MYH14: variants seen among roughly 807,000 people sequenced by gnomAD.
The protein encoded by MYH14 is myosin heavy chain 14.
MYH14 carries 123 observed loss-of-function variants against 255.5 expected under a neutral mutation model. The observed-to-expected ratio is 0.48, with a 90% CI of 0.42 to 0.56. The LOEUF (loss-of-function observed/expected upper bound fraction) is 0.56, where lower values mean the gene tolerates loss of function less well. Among genes scored for constraint, MYH14 ranks in the 20% least tolerant of loss-of-function variants. The probability of loss-of-function intolerance (pLI) is 0.00; values close to 1 mark genes in which losing one functional copy is unlikely to be tolerated. For synonymous variants in MYH14, 1,095 were observed against 1,161.2 expected, an observed-to-expected ratio of 0.94 and a Z score of 1.16; for missense variants, 2,423 against 2,802.3, an observed-to-expected ratio of 0.86 and a Z score of 3.06.
intron 30 of MYH14, among the ~76,000 whole-genome samples, chr19:50,278,833 A>G (rs1430482617): frequency 7.2e-6 from 1 of 139,476 alleles, no homozygotes; most frequent in Non-Finnish European, 1.6e-5. Flanking sequence ...AAAAAAAAAC[A>G]CAAAATTAGC....
At chr19:50,225,296 TTTC>T (rs2033035781) in intron 6 of MYH14, among the ~76,000 whole-genome samples, 1 of 152,210 alleles carries the variant, frequency 6.6e-6, no homozygotes, top group Non-Finnish European at 1.5e-5. Context: ...CCTTAATTCA[TTTC>T]TTATTAATGG....
At chr19:50,257,173 G>C in intron 17 of MYH14, 126 bp from the exon 18 acceptor site, 1 of 698,818 alleles carries the variant, frequency 1.4e-6, no homozygotes, top group Non-Finnish European at 2.3e-6. Context: ...TACCTTACAG[G>C]CTGTGTGAGG....
At chr19:50,253,745 C>T (rs80138138) in intron 16 of MYH14, among the ~76,000 whole-genome samples, 3,813 of 152,190 alleles carry the variant, frequency 0.025, 69 homozygotes, top group Non-Finnish European at 0.04. Context: ...GCCTTTTCTG[C>T]CACTGCCCCT....
At chr19:50,286,296 T>C (rs1283217126) in intron 33 of MYH14, 186 bp from the exon 34 acceptor site, 4 of 602,910 alleles carry the variant, frequency 6.6e-6, no homozygotes, top group Non-Finnish European at 1.2e-5. Flanking sequence ...GTTTGATCCA[T>C]TCAAGAGTTA....
rs548575057 is a variant in MYH14, at chr19:50,229,540, T to C, written c.875-985T>C. Reference sequence around the variant, plus strand: ...ACCTGTAGTCCCAGCTACTTGAGGCTGAGGTGGGAGTATTGCTTGAGCTGG... The same window carrying C: ...ACCTGTAGTCCCAGCTACTTGAGGCCGAGGTGGGAGTATTGCTTGAGCTGG... On this transcript the variant is annotated intron_variant, in intron 8 of 42. Coordinates refer to ENST00000642316, the MANE Select transcript of MYH14 (RefSeq NM_001145809.2). Among the ~76,000 whole-genome samples, 31 of 152,198 alleles carry C rather than the reference T, an allele frequency of 2.0e-4. 1 individual carries two copies. In the South Asian group the frequency reaches 5.8e-3, roughly 28 times the overall value.
rs138749822 is a variant in MYH14 at position 50,248,726 on chromosome 19, C to T, written c.1330-261C>T. Among the ~76,000 whole-genome samples, 113 of 152,330 alleles carry T rather than the reference C, an allele frequency of 7.4e-4. 1 individual carries two copies. The South Asian group carries it at 0.021, about 28-fold the overall frequency. On this transcript the variant is annotated intron_variant, in intron 12 of 42. Coordinates refer to ENST00000642316, the MANE Select transcript of MYH14 (RefSeq NM_001145809.2). The stretch of plus-strand genomic sequence containing the variant: ...AGAGTCCACGCTCTTAACCGCTGTG[C>T]GGTAGAAACTGCTTTGAGGGGGTGA...
At chr19:50,287,789 T>C (rs930188102) in intron 34 of MYH14, among the ~76,000 whole-genome samples, 2 of 152,156 alleles carry the variant, frequency 1.3e-5, no homozygotes, top group African/African-American at 4.8e-5. Flanking sequence ...ACCACACATA[T>C]GTATGGATGC....
rs1334695753 is a variant in MYH14 at position 50,247,207 on chromosome 19, A to G, written c.1329+85A>G. On this transcript the variant is annotated intron_variant, in intron 12 of 42. Transcript: ENST00000642316. Reference sequence around the variant, plus strand: ...TTAAACAGTGTATGCTGTTTTTCCCACCACTCAACAGACTTTTGCTGAGTG... The same window carrying G: ...TTAAACAGTGTATGCTGTTTTTCCCGCCACTCAACAGACTTTTGCTGAGTG... 5.2e-5 allele frequency: 49 copies of G among 935,868 alleles called. 3 individuals are homozygous for G. The South Asian group carries it at 5.8e-4, about 11-fold the overall frequency. 58.0% of individuals were successfully genotyped at this position (935,868 alleles called of 1,614,324 possible). A position where few individuals can be genotyped will look rare whatever the true frequency, so the allele number is the denominator to read the frequency against.
intron 1 of MYH14, among the ~76,000 whole-genome samples, chr19:50,204,411 A>G (rs2031617235): frequency 6.6e-6 from 1 of 152,150 alleles, no homozygotes; most frequent in South Asian, 2.1e-4. Context: ...GCAGAAATTC[A>G]TGTCTTTAGG....
At position 50,276,702 on chromosome 19, in the gene MYH14, C is replaced by T; in HGVS notation, c.3681-55C>T. On this transcript the variant is annotated intron_variant, in intron 28 of 42. Transcript: ENST00000642316. The surrounding 1 kb of genome is among the most constrained non-coding windows in gnomAD (Gnocchi z 4.3). ...GGAGAAACAACCAGCTCCCCCAAAGCCCCTGCCTTCCTCTGCTCTGAAATT... is the reference window on the plus strand; with the variant it reads ...GGAGAAACAACCAGCTCCCCCAAAGTCCCTGCCTTCCTCTGCTCTGAAATT... The T allele has an allele frequency of 5.6e-6, 9 of 1,611,196 alleles. No individual in the cohort carries two copies. Among genetic ancestry groups the T allele is most frequent in the Non-Finnish European group, 6.8e-6 (8 of 1,178,860 alleles).
rs574346228 is a variant in MYH14 at position 50,267,098 on chromosome 19, G to T, written c.2826+90G>T. ...GCCAGGTGTGAGGGGCGGGGCTTCC[G>T]GCTGAGCCAGCCTGTGCCCAGGCAG... On this transcript the variant is annotated intron_variant, in intron 23 of 42. Coordinates refer to ENST00000642316, the MANE Select transcript of MYH14 (RefSeq NM_001145809.2). The T allele has an allele frequency of 2.3e-5, 29 of 1,288,804 alleles. No individual in the cohort carries two copies. In the African/African-American group the frequency reaches 3.6e-4, roughly 16 times the overall value. The allele number at this position is 1,288,804 out of a possible 1,614,324, so 79.8% of individuals were successfully genotyped here.
chr19:50,239,423 A>T (rs2033801740), intron 10 of MYH14, among the ~76,000 whole-genome samples: 1 of 152,216 alleles, frequency 6.6e-6, no homozygotes, highest in Non-Finnish European at 1.5e-5. Context: ...ACTTGGGAAG[A>T]TTACAGACTG....
chr19:50,271,424 C>G lies in MYH14; in HGVS notation c.3049C>G (p.Leu1017Val). Residue 1017 changes from leucine (L) to valine (V), a missense_variant, in exon 25 of 43, where the codon CTT becomes GTT. Leu to Val is a conservative substitution (Grantham distance 32). Coordinates refer to ENST00000642316, the MANE Select transcript of MYH14 (RefSeq NM_001145809.2). Reference sequence around the variant, plus strand: ...CCCACCCCAGGAGCTAGAGGCCCACCTTGAGGCTGAGGAGGGTGCGCGGCA... The same window carrying G: ...CCCACCCCAGGAGCTAGAGGCCCACGTTGAGGCTGAGGAGGGTGCGCGGCA... Reference protein sequence around the residue: ...QQHIQELEAHLEAEEGARQKL... With the variant: ...QQHIQELEAHVEAEEGARQKL... The G allele has an allele frequency of 6.2e-7, 1 of 1,604,556 alleles. No individual in the cohort carries two copies. The highest frequency in any genetic ancestry group is 8.5e-7 in the Non-Finnish European group (1 of 1,175,820).
Position 50,291,038 on chromosome 19 carries a change from G to C in MYH14, c.5117G>C (p.Arg1706Pro). 1 of 1,612,910 alleles carries C rather than the reference G, an allele frequency of 6.2e-7. No homozygotes were observed. Among genetic ancestry groups the C allele is most frequent in the Non-Finnish European group, 8.5e-7 (1 of 1,179,662 alleles). ...QGKEEAVKQLRKMQAQMKELW... is the reference protein window; with the variant it reads ...QGKEEAVKQLPKMQAQMKELW... Reference sequence around the variant, plus strand: ...AAGGAGGAGGCGGTGAAGCAGCTTCGCAAGATGCAGGTAAGAGCCGGCGTG... The same window carrying C: ...AAGGAGGAGGCGGTGAAGCAGCTTCCCAAGATGCAGGTAAGAGCCGGCGTG... Residue 1706 changes from arginine (R) to proline (P), a missense_variant, in exon 36 of 43, where the codon CGC (arginine) becomes CCC (proline). By Grantham distance (103) the Arg-to-Pro change is moderately radical. Coordinates refer to ENST00000642316, the MANE Select transcript of MYH14 (RefSeq NM_001145809.2).
chr19:50,305,057 T>G (rs1262773118), intron 40 of MYH14, among the ~76,000 whole-genome samples: 3 of 152,024 alleles, frequency 2.0e-5, no homozygotes, highest in Non-Finnish European at 4.4e-5. Context: ...GCCACGGAAC[T>G]CTGTTCTGTG....
At chr19:50,223,919 G>GT (rs999613125) in intron 5 of MYH14, among the ~76,000 whole-genome samples, 5 of 152,144 alleles carry the variant, frequency 3.3e-5, no homozygotes, top group African/African-American at 1.2e-4. Flanking sequence ...ACCAGCCTGG[G>GT]TAATATAGTG....
At chr19:50,233,249 A>G (rs1334435741) in intron 10 of MYH14, among the ~76,000 whole-genome samples, 1 of 151,880 alleles carries the variant, frequency 6.6e-6, no homozygotes, top group African/African-American at 2.4e-5. Context: ...AGCCCACTGC[A>G]ACCTCTGCCT....
intron 40 of MYH14, among the ~76,000 whole-genome samples, chr19:50,304,595 A>C (rs1326204661): frequency 2.0e-5 from 3 of 152,120 alleles, no homozygotes; most frequent in Non-Finnish European, 4.4e-5. Flanking sequence ...GACTCCAAAA[A>C]AAGAGGAGTG....
intron 7 of MYH14, 80 bp downstream of exon 7, chr19:50,225,757 GAC>G: frequency 1.9e-6 from 2 of 1,050,450 alleles, no homozygotes; most frequent in Non-Finnish European, 2.9e-6. Context: ...CAGGGGGAAA[GAC>G]ACGTGGATCT....
Sources: allele counts gnomAD v4.1 joint callset (sites outside exome capture counted in the v4.1 genomes callset), GRCh38; gene constraint gnomAD v4.1.1; non-coding constraint Gnocchi (gnomAD v3.1); transcripts MANE v1.5; gene names NCBI Gene and HGNC (gene_info 2026-07-23, HGNC 2026-07-21).